Variants in SH3KBP1 observed in about 807,000 individuals in gnomAD.
SH3KBP1 encodes the protein SH3 domain-containing kinase-binding protein 1.
In SH3KBP1, 8 loss-of-function variants were observed where a neutral mutation model predicts 50.1. The observed-to-expected ratio is 0.16, with a 90% CI of 0.09 to 0.29. The LOEUF is 0.29. Ranked by LOEUF, SH3KBP1 falls within the 10% of genes least tolerant of loss-of-function variation. SH3KBP1 has a pLI of 1.00. For missense variants in SH3KBP1, 377 were observed against 535.2 expected, an observed-to-expected ratio of 0.70 and a Z score of 2.92; for synonymous variants, 227 against 218.6, an observed-to-expected ratio of 1.04 and a Z score of -0.34.
rs397956540 is a variant in SH3KBP1 at position 19,878,301 on chromosome X, C to CTT, written c.4+9004_4+9005dup. 5.1e-4 allele frequency among the ~76,000 whole-genome samples: 47 copies of CTT among 92,848 alleles called. 1 individual carries two copies. Among genetic ancestry groups the CTT allele is most frequent in the African/African-American group, 1.6e-3 (38 of 23,685 alleles). 80.6% of individuals were successfully genotyped at this position (92,848 alleles called of 115,157 possible). The stretch of plus-strand genomic sequence containing the variant: ...CAGTGTTTTCTCCCATGATGTAGAC[C>CTT]TTTTTTTTTTTTTTTTCCTTGAGAC... On this transcript the variant is annotated intron_variant, in intron 1 of 17. Coordinates refer to ENST00000397821, the MANE Select transcript of SH3KBP1 (RefSeq NM_031892.3).
chrX:19,619,145 G>A (rs1007775689), intron 8 of SH3KBP1, among the ~76,000 whole-genome samples: 2 of 110,977 alleles, frequency 1.8e-5, no homozygotes, highest in Middle Eastern at 4.7e-3. Context: ...ATGTGGTAGC[G>A]GGCACCTGTA....
In SH3KBP1 at chrX:19,752,514, T is replaced by A. The variant is rs184309452; in HGVS notation, c.163-6073A>T. 1.4e-4 allele frequency among the ~76,000 whole-genome samples: 16 copies of A among 112,253 alleles called. 1 individual carries two copies. Among genetic ancestry groups the A allele is most frequent in the African/African-American group, 5.2e-4 (16 of 30,907 alleles). ...GATGTACTGTATGATTCCAATTATG[T>A]GAAACCCAACAACAGGCAAAATTAA... On this transcript the variant is annotated intron_variant, in intron 2 of 17. Transcript: ENST00000397821.
chrX:19,542,972 G>T (rs1310691543), intron 15 of SH3KBP1, among the ~76,000 whole-genome samples: 1 of 112,318 alleles, frequency 8.9e-6, no homozygotes, highest in Non-Finnish European at 1.9e-5. Context: ...CAGATCTGGA[G>T]CTGGAGAGAA....
intron 3 of SH3KBP1, among the ~76,000 whole-genome samples, chrX:19,710,422 G>C (rs141072651): frequency 1.8e-5 from 2 of 111,643 alleles, no homozygotes; most frequent in African/African-American, 6.5e-5. Flanking sequence ...GTAGCCAAAC[G>C]CTACGTCACA....
At chrX:19,572,523 T>C (rs2147862091) in intron 12 of SH3KBP1, among the ~76,000 whole-genome samples, 1 of 107,842 alleles carries the variant, frequency 9.3e-6, no homozygotes, top group Admixed American at 1.0e-4. Flanking sequence ...CACATATATG[T>C]ACTCTCTCTC....
intron 5 of SH3KBP1, among the ~76,000 whole-genome samples, chrX:19,689,472 C>G (rs929598018): frequency 8.9e-6 from 1 of 112,064 alleles, no homozygotes; most frequent in Non-Finnish European, 1.9e-5. Context: ...TAACACCAAG[C>G]CTGAGAGTCA....
chrX:19,678,937 C>G (rs2062988425), intron 6 of SH3KBP1, among the ~76,000 whole-genome samples: 1 of 111,889 alleles, frequency 8.9e-6, no homozygotes, highest in Admixed American at 9.4e-5. Context: ...GATCTGGGCC[C>G]TGCTTCTTTC....
intron 2 of SH3KBP1, among the ~76,000 whole-genome samples, chrX:19,763,500 C>T (rs1300897000): frequency 1.8e-5 from 2 of 112,136 alleles, no homozygotes; most frequent in African/African-American, 6.5e-5. Context: ...TCCTGCTTTT[C>T]CCTCTCATTT....
intron 8 of SH3KBP1, among the ~76,000 whole-genome samples, chrX:19,627,794 C>T (rs1360395867): frequency 8.9e-6 from 1 of 112,128 alleles, no homozygotes; most frequent in Non-Finnish European, 1.9e-5. Context: ...CACAGAAAAG[C>T]AGGGCAAAGG....
Position 19,580,076 on chromosome X carries a change from G to GT in SH3KBP1, c.1298+8566dup, listed in dbSNP as rs756979383. 3.2e-3 allele frequency among the ~76,000 whole-genome samples: 355 copies of GT among 111,195 alleles called. 1 individual carries two copies. The highest frequency in any genetic ancestry group is 5.2e-3 in the Non-Finnish European group (277 of 52,967). The stretch of plus-strand genomic sequence containing the variant: ...AGGGAACTGAGTGAGACTCAAGGTG[G>GT]TGAGCACCTTGCACGAAGTCACAGG... On this transcript the variant is annotated intron_variant, in intron 12 of 17. Coordinates refer to ENST00000397821, the MANE Select transcript of SH3KBP1 (RefSeq NM_031892.3).
intron 3 of SH3KBP1, among the ~76,000 whole-genome samples, chrX:19,733,975 T>TACAC (rs1213773574): frequency 1.8e-5 from 2 of 112,142 alleles, no homozygotes; most frequent in African/African-American, 6.5e-5. Context: ...CCATAAAATA[T>TACAC]ACACACACTT....
intron 7 of SH3KBP1, among the ~76,000 whole-genome samples, chrX:19,636,441 A>G (rs1218454374): frequency 9.0e-6 from 1 of 111,173 alleles, no homozygotes; most frequent in East Asian, 2.8e-4. Flanking sequence ...TTAGTTACCT[A>G]GTTCCCACAT....
intron 3 of SH3KBP1, among the ~76,000 whole-genome samples, chrX:19,732,069 T>A (rs1057028415): frequency 8.1e-5 from 9 of 111,797 alleles, no homozygotes; most frequent in African/African-American, 2.0e-4. Context: ...AGCTTTTGAT[T>A]TTTTTTGAGG....
intron 4 of SH3KBP1, among the ~76,000 whole-genome samples, chrX:19,702,362 G>A (rs2063551925): frequency 9.0e-6 from 1 of 111,624 alleles, no homozygotes; most frequent in Non-Finnish European, 1.9e-5. Context: ...TAGCTGAGTG[G>A]ACCAAATATT....
intron 15 of SH3KBP1, among the ~76,000 whole-genome samples, chrX:19,543,290 C>G (rs780574232): frequency 1.8e-5 from 2 of 111,680 alleles, no homozygotes; most frequent in Non-Finnish European, 3.8e-5. Flanking sequence ...GAGATTGTAC[C>G]TTTCATGGGA....
At chrX:19,806,497 C>A (rs1231840615) in intron 2 of SH3KBP1, among the ~76,000 whole-genome samples, 1 of 111,397 alleles carries the variant, frequency 9.0e-6, no homozygotes, top group African/African-American at 3.3e-5. Flanking sequence ...GCCTGGGCGA[C>A]ACAGCGAGAC....
intron 6 of SH3KBP1, among the ~76,000 whole-genome samples, chrX:19,673,100 G>C (rs2062843367): frequency 9.4e-6 from 1 of 106,478 alleles, no homozygotes; most frequent in Non-Finnish European, 1.9e-5. Context: ...AATATGAAAC[G>C]TACCACGTTA....
intron 7 of SH3KBP1, among the ~76,000 whole-genome samples, chrX:19,635,384 A>C (rs2061676442): frequency 9.5e-6 from 1 of 104,999 alleles, no homozygotes; most frequent in Non-Finnish European, 2.0e-5. Flanking sequence ...ATACATGGAC[A>C]CAGAGAGGGG....
chrX:19,807,137 A>G (rs907394071), intron 2 of SH3KBP1, among the ~76,000 whole-genome samples: 10 of 112,451 alleles, frequency 8.9e-5, no homozygotes, highest in Admixed American at 1.9e-4. Context: ...ATGATGCAGT[A>G]TCTACTCACA....
Sources: allele counts gnomAD v4.1 joint callset (sites outside exome capture counted in the v4.1 genomes callset), GRCh38; gene constraint gnomAD v4.1.1; transcripts MANE v1.5; gene names NCBI Gene and HGNC (gene_info 2026-07-23, HGNC 2026-07-21).